WASHC5: variants seen among roughly 807,000 people sequenced by gnomAD.
WASHC5 encodes WASH complex subunit 5.
A neutral mutation model predicts 150.4 loss-of-function variants in WASHC5; 101 were observed. The observed-to-expected ratio is 0.67, with a 90% CI of 0.57 to 0.79. The LOEUF (loss-of-function observed/expected upper bound fraction) is 0.79, where lower values mean the gene tolerates loss of function less well. Among genes scored for constraint, WASHC5 ranks in the 30% least tolerant of loss-of-function variants. The pLI is 0.00. For synonymous variants in WASHC5, 467 were observed against 491.2 expected (o/e 0.95, Z 0.65); for missense variants, 1,195 against 1,396.3 (o/e 0.86, Z 2.30).
chr8:125,082,288 A>C, intron 4 of WASHC5, 95 bp downstream of exon 4: 1 of 747,076 alleles, frequency 1.3e-6, no homozygotes, highest in Non-Finnish European at 2.4e-6. Flanking sequence ...TCTTTAAAGA[A>C]TGGTATTTCG....
chr8:125,076,580 G>T (rs1377607335), intron 6 of WASHC5, 80 bp from the exon 7 acceptor site: 14 of 1,531,886 alleles, frequency 9.1e-6, no homozygotes, highest in African/African-American at 6.8e-5. Context: ...CTCTCTGGTT[G>T]TAAGACACAT....
chr8:125,044,152 C>A lies in WASHC5; in HGVS notation c.2668-58G>T, dbSNP rs891699422. 4.5e-6 allele frequency: 5 copies of A among 1,120,086 alleles called. No homozygotes were observed. The African/African-American group carries it at 6.2e-5, about 14-fold the overall frequency. The allele number at this position is 1,120,086 out of a possible 1,614,324, so 69.4% of individuals were successfully genotyped here. A position where few individuals can be genotyped will look rare whatever the true frequency, so the allele number is the denominator to read the frequency against. ...ACATAATGAATTAAACAAGCAAATT[C>A]TCCAGTTACCTAAAATGCTATGCAG... On this transcript the variant is annotated intron_variant, in intron 21 of 28. Coordinates refer to ENST00000318410, the MANE Select transcript of WASHC5 (RefSeq NM_014846.4).
intron 1 of WASHC5, among the ~76,000 whole-genome samples, chr8:125,086,943 A>C (rs1356963578): frequency 1.3e-5 from 2 of 152,240 alleles, no homozygotes; most frequent in Non-Finnish European, 2.9e-5. Context: ...CAGCTCTTTA[A>C]GTCTTCCTAG....
intron 27 of WASHC5, 74 bp from the exon 28 acceptor site, chr8:125,028,781 A>T: frequency 1.0e-6 from 1 of 981,508 alleles, no homozygotes. Context: ...ATCCTGAAAG[A>T]CTAAATTACC....
At chr8:125,029,267 A>AG (rs1370650637) in intron 27 of WASHC5, among the ~76,000 whole-genome samples, 16 of 152,136 alleles carry the variant, frequency 1.1e-4, no homozygotes, top group Non-Finnish European at 2.4e-4. Context: ...TCCTGACCTC[A>AG]GGTGATCCAC....
intron 1 of WASHC5, among the ~76,000 whole-genome samples, chr8:125,088,442 A>AG (rs1322358693): frequency 2.2e-5 from 3 of 135,226 alleles, no homozygotes; most frequent in South Asian, 2.3e-4. Flanking sequence ...AAAAAGGGGG[A>AG]GGGGGGGAAG....
At chr8:125,047,052 G>C (rs1816088612) in intron 20 of WASHC5, among the ~76,000 whole-genome samples, 155 bp downstream of exon 20, 1 of 152,156 alleles carries the variant, frequency 6.6e-6, no homozygotes, top group East Asian at 1.9e-4. Flanking sequence ...TCAGTCTGCA[G>C]CGCAGGGGTT....
intron 18 of WASHC5, among the ~76,000 whole-genome samples, chr8:125,049,966 C>CA (rs753788123): frequency 1.5e-4 from 23 of 151,594 alleles, no homozygotes; most frequent in Non-Finnish European, 2.9e-4. Context: ...GTCAGACATT[C>CA]AGCAAATAAA....
rs1344765656 is a variant in WASHC5, at chr8:125,032,315, G to T, written c.3261C>A (p.Phe1087Leu). The stretch of plus-strand genomic sequence containing the variant: ...GGAACTGCTCGGTGTACCGGGAATG[G>T]AACTGCTTCAGCAGAGTGAGCAGTC... ...VLGLLTLLKQ[F>L]HSRYTEQFLA... The change falls in exon 27 of 29, where the codon TTC becomes TTA. Residue 1087 changes from phenylalanine to leucine, a missense_variant. By Grantham distance (22) the Phe-to-Leu change is conservative (BLOSUM62 0). This residue lies in a region of WASHC5 where 997 missense variants were observed against 1,168.1 expected (regional missense o/e 0.85). Transcript: ENST00000318410. 6.2e-7 allele frequency: 1 copy of T among 1,614,058 alleles called. No homozygotes were observed. The highest frequency in any genetic ancestry group is 8.5e-7 in the Non-Finnish European group (1 of 1,180,038).
At position 125,073,284 on chromosome 8, in the gene WASHC5, T is replaced by C. The variant is rs779768001; in HGVS notation, c.1019A>G (p.Gln340Arg). The C allele has an allele frequency of 3.7e-6, 6 of 1,613,936 alleles. No individual in the cohort carries two copies. The highest frequency in any genetic ancestry group is 5.1e-6 in the Non-Finnish European group (6 of 1,179,906). ...ACCTTCTTTTAGAAATTGCTGCACT[T>C]GAGCATGCACTCTTTCACTGACAGT... is the stretch of plus-strand genomic sequence containing the variant. ...YATVSERVHAQVQQFLKEGYL... is the reference protein window; with the variant it reads ...YATVSERVHARVQQFLKEGYL... Residue 340 changes from glutamine to arginine, a missense_variant, in exon 9 of 29, where the codon CAA becomes CGA. Physicochemically the swap from Gln to Arg is conservative, Grantham distance 43 (BLOSUM62 1). Around this residue, in one of 3 missense-constraint regions of WASHC5, gnomAD observed 997 missense variants for 1,168.1 expected, o/e 0.85. Transcript: ENST00000318410.
chr8:125,057,362 T>C (rs1035679080), intron 15 of WASHC5, among the ~76,000 whole-genome samples, 194 bp downstream of exon 15: 2 of 152,362 alleles, frequency 1.3e-5, no homozygotes, highest in East Asian at 1.9e-4. Flanking sequence ...TAAAAGTTCC[T>C]GGCAAGTAAA....
chr8:125,072,845 AG>A lies in WASHC5; in HGVS notation c.1150+307del, dbSNP rs1470152489. On this transcript the variant is annotated intron_variant, in intron 9 of 28. Coordinates refer to ENST00000318410, the MANE Select transcript of WASHC5 (RefSeq NM_014846.4). The stretch of plus-strand genomic sequence containing the variant: ...TGGAAGGCACTATTCTGCCTACCAC[AG>A]ATCTGCAGTTCTATTTTTTCATATG... Among the ~76,000 whole-genome samples, 4 of 152,160 alleles carry A rather than the reference AG, an allele frequency of 2.6e-5. No individual in the cohort carries two copies. In the East Asian group the frequency reaches 7.7e-4, roughly 29 times the overall value.
intron 25 of WASHC5, 55 bp downstream of exon 25, chr8:125,038,775 G>C: frequency 6.2e-7 from 1 of 1,605,008 alleles, no homozygotes; most frequent in Non-Finnish European, 8.5e-7. Flanking sequence ...CTGTTACCTG[G>C]GCCAAATACC....
chr8:125,044,737 GA>G, intron 20 of WASHC5, 39 bp from the exon 21 acceptor site: 1 of 1,601,828 alleles, frequency 6.2e-7, no homozygotes, highest in Non-Finnish European at 8.5e-7. Context: ...GAATGGCTCA[GA>G]ATTCATCCTT....
intron 5 of WASHC5, among the ~76,000 whole-genome samples, chr8:125,080,546 T>C (rs993255551): frequency 2.6e-5 from 4 of 152,180 alleles, no homozygotes; most frequent in African/African-American, 9.7e-5. Context: ...CTTGTCTACT[T>C]TGTCCTAATT....
At chr8:125,025,897 C>T (rs569016424) in intron 28 of WASHC5, among the ~76,000 whole-genome samples, 1 of 150,586 alleles carries the variant, frequency 6.6e-6, no homozygotes, top group African/African-American at 2.5e-5. Context: ...TCCTTCTCTA[C>T]CTCTGCTAAA....
intron 7 of WASHC5, 47 bp downstream of exon 7, chr8:125,076,301 G>A (rs747121652): frequency 1.3e-6 from 2 of 1,573,358 alleles, no homozygotes; most frequent in Non-Finnish European, 1.7e-6. Context: ...TGGGAAGTTA[G>A]TTCTCTAACA....
At chr8:125,081,612 A>C (rs1482249452) in intron 5 of WASHC5, 49 bp downstream of exon 5, 5 of 1,029,246 alleles carry the variant, frequency 4.9e-6, no homozygotes, top group Non-Finnish European at 6.1e-6. Flanking sequence ...CATACACTGC[A>C]TTTTACCGAC....
chr8:125,052,637 C>CACACACAT (rs1414587856), intron 17 of WASHC5, among the ~76,000 whole-genome samples: 11 of 151,314 alleles, frequency 7.3e-5, no homozygotes, highest in African/African-American at 2.2e-4. Context: ...CACACACACA[C>CACACACAT]ACATACATAC....
Sources: allele counts gnomAD v4.1 joint callset (sites outside exome capture counted in the v4.1 genomes callset), GRCh38; gene constraint gnomAD v4.1.1; regional missense constraint gnomAD v4.1.1; transcripts MANE v1.5; gene names NCBI Gene and HGNC (gene_info 2026-07-23, HGNC 2026-07-21).